The following LAMA2 variants were observed in gnomAD, a reference collection of about 807,000 sequenced individuals.
LAMA2 encodes the protein laminin subunit alpha-2.
A neutral mutation model predicts 364.8 loss-of-function variants in LAMA2; 269 were observed. That is an observed-to-expected ratio of 0.74 (90% CI 0.67 to 0.82). LAMA2 has a LOEUF of 0.82. Among genes scored for constraint, LAMA2 ranks in the 40% least tolerant of loss-of-function variants. The probability of loss-of-function intolerance (pLI) is 0.00; values close to 1 mark genes in which losing one functional copy is unlikely to be tolerated. For missense variants in LAMA2, 3,807 were observed against 3,873.2 expected, an observed-to-expected ratio of 0.98 and a Z score of 0.45; for synonymous variants, 1,379 against 1,370.6, an observed-to-expected ratio of 1.01 and a Z score of -0.14.
At chr6:129,425,512 G>A (rs1002645094) in intron 40 of LAMA2, among the ~76,000 whole-genome samples, 4 of 151,834 alleles carry the variant, frequency 2.6e-5, no homozygotes, top group Non-Finnish European at 4.4e-5. Flanking sequence ...GAGGTTTGTT[G>A]TATAGATTTC....
chr6:129,319,755 A>G (rs889891635), intron 27 of LAMA2, among the ~76,000 whole-genome samples: 2 of 152,226 alleles, frequency 1.3e-5, no homozygotes, highest in Non-Finnish European at 2.9e-5. Flanking sequence ...TACTGATAAC[A>G]TAGTAGATTA....
chr6:128,958,012 CTTCCCTG>C (rs1294358155), intron 1 of LAMA2, among the ~76,000 whole-genome samples: 6 of 152,080 alleles, frequency 3.9e-5, no homozygotes, highest in African/African-American at 1.4e-4. Flanking sequence ...CTTAATAGCC[CTTCCCTG>C]TTCCCTGTTT....
intron 53 of LAMA2, among the ~76,000 whole-genome samples, chr6:129,476,797 T>TAACA (rs967511709): frequency 6.9e-5 from 9 of 130,486 alleles, no homozygotes; most frequent in Admixed American, 6.1e-4. Context: ...ATGTTCTTTA[T>TAACA]AACAACCAGC....
chr6:129,352,495 CAG>C (rs1776907112), intron 31 of LAMA2, among the ~76,000 whole-genome samples: 1 of 152,142 alleles, frequency 6.6e-6, no homozygotes, highest in Non-Finnish European at 1.5e-5. Flanking sequence ...TAAAAGTAAA[CAG>C]AAAATCTGAG....
intron 15 of LAMA2, among the ~76,000 whole-genome samples, chr6:129,263,289 C>T (rs78619323): frequency 1.2e-4 from 19 of 152,088 alleles, no homozygotes; most frequent in Middle Eastern, 3.4e-3. Flanking sequence ...GTGGCATTAA[C>T]GATATGCCAG....
At chr6:129,015,504 T>G (rs1785014700) in intron 1 of LAMA2, among the ~76,000 whole-genome samples, 1 of 152,244 alleles carries the variant, frequency 6.6e-6, no homozygotes, top group South Asian at 2.1e-4. Flanking sequence ...ATTAAACATT[T>G]TAAGTATATA....
chr6:129,376,078 C>A (rs984154925), intron 34 of LAMA2, among the ~76,000 whole-genome samples: 1 of 152,200 alleles, frequency 6.6e-6, no homozygotes, highest in Non-Finnish European at 1.5e-5. Context: ...ATGTCATTCT[C>A]TTCCTTAAAT....
chr6:129,281,946 AT>A (rs1326451759), intron 18 of LAMA2, among the ~76,000 whole-genome samples: 1 of 152,144 alleles, frequency 6.6e-6, no homozygotes, highest in African/African-American at 2.4e-5. Context: ...TGAGGGAAAC[AT>A]TTTTTGTTTG....
chr6:129,237,789 T>C (rs1450841805), intron 12 of LAMA2, among the ~76,000 whole-genome samples: 1 of 152,062 alleles, frequency 6.6e-6, no homozygotes, highest in Non-Finnish European at 1.5e-5. Context: ...TGCATGAGAG[T>C]ACTTGTTTCC....
At chr6:129,364,148 A>G (rs1471174792) in intron 32 of LAMA2, among the ~76,000 whole-genome samples, 2 of 152,176 alleles carry the variant, frequency 1.3e-5, no homozygotes. Context: ...AAGCTGATTT[A>G]TTAAAAGCCC....
intron 3 of LAMA2, among the ~76,000 whole-genome samples, chr6:129,088,371 C>T (rs577042252): frequency 5.9e-5 from 9 of 152,088 alleles, no homozygotes; most frequent in Middle Eastern, 3.4e-3. Flanking sequence ...CACAAAACCA[C>T]CATCATCATC....
chr6:129,376,443 T>A (rs1380185073), intron 34 of LAMA2, among the ~76,000 whole-genome samples: 3 of 152,202 alleles, frequency 2.0e-5, no homozygotes, highest in Non-Finnish European at 2.9e-5. Flanking sequence ...CTGTTCTCCG[T>A]AACGTAGCCA....
intron 9 of LAMA2, 79 bp from the exon 10 acceptor site, chr6:129,177,627 G>A: frequency 1.4e-6 from 2 of 1,420,566 alleles, no homozygotes; most frequent in Non-Finnish European, 2.0e-6. Context: ...GCATTTTAAA[G>A]GTTACTGTCA....
chr6:129,320,521 A>G lies in LAMA2; in HGVS notation c.4059-17A>G. 1 of 1,406,260 alleles carries G rather than the reference A, an allele frequency of 7.1e-7. No homozygotes were observed. Among genetic ancestry groups the G allele is most frequent in the Non-Finnish European group, 1.0e-6 (1 of 990,286 alleles). 87.1% of individuals were successfully genotyped at this position (1,406,260 alleles called of 1,614,324 possible). On this transcript the variant is annotated splice_polypyrimidine_tract_variant and intron_variant, in intron 27 of 64. Transcript: ENST00000421865. ...CTGACTGTCATAGTAATCTAAGTACATTCTCGCTGTTTCTAGGATTTCTGA... is the reference window on the plus strand; with the variant it reads ...CTGACTGTCATAGTAATCTAAGTACGTTCTCGCTGTTTCTAGGATTTCTGA...
chr6:129,456,123 T>G (rs948092055), intron 47 of LAMA2, among the ~76,000 whole-genome samples: 1 of 152,158 alleles, frequency 6.6e-6, no homozygotes, highest in Admixed American at 6.5e-5. Context: ...TGGTTGAAAC[T>G]GATGTAAGTG....
intron 18 of LAMA2, among the ~76,000 whole-genome samples, chr6:129,286,274 G>A (rs1789113206): frequency 6.6e-6 from 1 of 151,778 alleles, no homozygotes; most frequent in Non-Finnish European, 1.5e-5. Flanking sequence ...AAAGATAACA[G>A]AGCTAGCCTG....
At chr6:129,223,547 A>G (rs1784028064) in intron 12 of LAMA2, among the ~76,000 whole-genome samples, 1 of 152,172 alleles carries the variant, frequency 6.6e-6, no homozygotes, top group African/African-American at 2.4e-5. Flanking sequence ...ATCCAGTTTC[A>G]GCTTTCTACA....
At chr6:129,386,117 A>T (rs1269808110) in intron 35 of LAMA2, among the ~76,000 whole-genome samples, 1 of 151,616 alleles carries the variant, frequency 6.6e-6, no homozygotes, top group African/African-American at 2.4e-5. Flanking sequence ...TTTTAATTTT[A>T]TCTGATATTA....
chr6:129,488,778 A>ACAT (rs1784720525), intron 56 of LAMA2, among the ~76,000 whole-genome samples: 1 of 152,256 alleles, frequency 6.6e-6, no homozygotes, highest in African/African-American at 2.4e-5. Context: ...AGCAAGTGCC[A>ACAT]CATTAAACTG....
Sources: allele counts gnomAD v4.1 joint callset (sites outside exome capture counted in the v4.1 genomes callset), GRCh38; gene constraint gnomAD v4.1.1; transcripts MANE v1.5; gene names NCBI Gene and HGNC (gene_info 2026-07-23, HGNC 2026-07-21).